The following ARFGAP3 variants were observed in gnomAD, a reference collection of about 807,000 sequenced individuals.
ARFGAP3 encodes ARF GTPase activating protein 3, also known as ADP-ribosylation factor GTPase-activating protein 3.
ARFGAP3 carries 72 observed loss-of-function variants against 75.0 expected under a neutral mutation model. The observed-to-expected ratio is 0.96, with a 90% confidence interval of 0.79 to 1.17. ARFGAP3 has a LOEUF of 1.17. Among genes scored for constraint, ARFGAP3 ranks in the 50% most tolerant of loss-of-function variants. The pLI, the probability that ARFGAP3 is intolerant of heterozygous loss-of-function variation, is 0.00. For missense variants in ARFGAP3, 620 were observed against 626.6 expected (o/e 0.99, Z 0.11); for synonymous variants, 221 against 217.9 (o/e 1.01, Z -0.13).
intron 14 of ARFGAP3, 178 bp from the exon 15 acceptor site, chr22:42,799,338 C>G: frequency 1.4e-6 from 1 of 702,414 alleles, no homozygotes; most frequent in Non-Finnish European, 1.7e-6. Context: ...CCATGATCCA[C>G]ATGAGAGAAT....
intron 12 of ARFGAP3, among the ~76,000 whole-genome samples, chr22:42,810,003 TAAAAAAA>T (rs35072147): frequency 2.0e-5 from 2 of 102,168 alleles, no homozygotes; most frequent in Non-Finnish European, 3.8e-5. Flanking sequence ...GACTCCATCT[TAAAAAAA>T]AAAAAAAAAA....
chr22:42,804,759 G>A (rs1925045286), intron 14 of ARFGAP3, among the ~76,000 whole-genome samples: 2 of 151,922 alleles, frequency 1.3e-5, no homozygotes, highest in Admixed American at 1.3e-4. Context: ...CAGGTGATCC[G>A]CCTACCTCGG....
At position 42,857,239 on chromosome 22, in the gene ARFGAP3, A is replaced by G. The variant is rs1927549639; in HGVS notation, c.-57T>C. 2.0e-6 allele frequency: 3 copies of G among 1,487,720 alleles called. No homozygotes were observed. Among genetic ancestry groups the G allele is most frequent in the Non-Finnish European group, 1.8e-6 (2 of 1,114,312 alleles). 92.2% of individuals were successfully genotyped at this position (1,487,720 alleles called of 1,614,324 possible). On this transcript the variant is annotated 5_prime_UTR_variant, in exon 1 of 16. Transcript: ENST00000263245. ...AGCCAACCGGTAAGAGTCGACGAAA[A>G]GCGGCTACCGCCTCAGCAGGAGCGA... is the stretch of plus-strand genomic sequence containing the variant.
intron 15 of ARFGAP3, 118 bp from the exon 16 acceptor site, chr22:42,797,723 T>C: frequency 1.2e-6 from 2 of 1,604,770 alleles, no homozygotes; most frequent in Non-Finnish European, 1.7e-6. Flanking sequence ...GCATGTGACA[T>C]GGACGCTGCA....
intron 14 of ARFGAP3, among the ~76,000 whole-genome samples, chr22:42,804,659 C>A (rs1229297334): frequency 4.6e-5 from 7 of 151,940 alleles, no homozygotes; most frequent in African/African-American, 1.7e-4. Context: ...GGATTACAGG[C>A]GTGAGCCACT....
intron 6 of ARFGAP3, among the ~76,000 whole-genome samples, chr22:42,828,359 C>G (rs900161580): frequency 2.0e-5 from 3 of 151,388 alleles, no homozygotes; most frequent in Non-Finnish European, 2.9e-5. Context: ...GAGTTCAAGA[C>G]CAGCCTGGCC....
intron 1 of ARFGAP3, among the ~76,000 whole-genome samples, chr22:42,854,843 G>A (rs1469042863): frequency 1.3e-5 from 2 of 152,084 alleles, no homozygotes; most frequent in Non-Finnish European, 2.9e-5. Flanking sequence ...TTAGGTAAGG[G>A]TTTCAAACCA....
chr22:42,797,415 A>T lies in ARFGAP3; in HGVS notation c.*173T>A. The stretch of plus-strand genomic sequence containing the variant: ...AAACAGAAATCACAGGAAAGCTCCT[A>T]CATCAGAACTCAGAATTTCTCAAAA... On this transcript the variant is annotated 3_prime_UTR_variant, in exon 16 of 16. Transcript: ENST00000263245. The T allele has an allele frequency of 1.3e-6, 1 of 775,672 alleles. No homozygotes were observed. Among genetic ancestry groups the T allele is most frequent in the Non-Finnish European group, 2.1e-6 (1 of 480,328 alleles). The allele number at this position is 775,672 out of a possible 1,614,324, so 48.0% of individuals were successfully genotyped here. A position where few individuals can be genotyped will look rare whatever the true frequency, so the allele number is the denominator to read the frequency against.
chr22:42,815,238 C>T (rs1925525551), intron 11 of ARFGAP3, among the ~76,000 whole-genome samples: 1 of 152,162 alleles, frequency 6.6e-6, no homozygotes, highest in African/African-American at 2.4e-5. Context: ...TCAAATTACA[C>T]ATTTAATTTT....
intron 3 of ARFGAP3, among the ~76,000 whole-genome samples, chr22:42,839,204 T>G (rs1250217362): frequency 1.3e-5 from 2 of 152,142 alleles, no homozygotes; most frequent in African/African-American, 4.8e-5. Flanking sequence ...ATAAATTAAT[T>G]GAATATTTTA....
chr22:42,824,885 C>CT (rs1925971535), intron 7 of ARFGAP3, among the ~76,000 whole-genome samples: 1 of 152,136 alleles, frequency 6.6e-6, no homozygotes, highest in Non-Finnish European at 1.5e-5. Flanking sequence ...CTCTTCCCAT[C>CT]TTTATGTTCG....
At chr22:42,818,790 A>G (rs1443159079) in intron 9 of ARFGAP3, among the ~76,000 whole-genome samples, 1 of 100,936 alleles carries the variant, frequency 9.9e-6, no homozygotes, top group African/African-American at 3.4e-5. Context: ...AAATTTCTGC[A>G]TAGTAATAGG....
chr22:42,824,517 T>G (rs1313765112), intron 7 of ARFGAP3, among the ~76,000 whole-genome samples: 3 of 148,774 alleles, frequency 2.0e-5, no homozygotes, highest in African/African-American at 7.6e-5. Context: ...CCACCATGCC[T>G]GGTTTTCTTT....
intron 14 of ARFGAP3, among the ~76,000 whole-genome samples, chr22:42,803,251 T>C (rs1412427898): frequency 6.6e-6 from 1 of 152,200 alleles, no homozygotes; most frequent in Non-Finnish European, 1.5e-5. Context: ...TGCACAGCTA[T>C]ACTGTCTGAC....
rs71186547 is a variant in ARFGAP3 at position 42,837,675 on chromosome 22, C to CTTTTTTTTTTTT, written c.262-2194_262-2183dup. ...GCCTTGAAACATCTAAGGCATACTT[C>CTTTTTTTTTTTT]TTTTTTTTTTTTTTTTTTTTTTGAG... On this transcript the variant is annotated intron_variant, in intron 3 of 15. Coordinates refer to ENST00000263245, the MANE Select transcript of ARFGAP3 (RefSeq NM_014570.5). Among the ~76,000 whole-genome samples, 80 of 75,664 alleles carry CTTTTTTTTTTTT rather than the reference C, an allele frequency of 1.1e-3. 8 individuals are homozygous for CTTTTTTTTTTTT. The highest frequency in any genetic ancestry group is 3.9e-3 in the African/African-American group (63 of 16,056). The allele number at this position is 75,664 out of a possible 152,430, so 49.6% of individuals were successfully genotyped here.
intron 13 of ARFGAP3, among the ~76,000 whole-genome samples, chr22:42,808,106 A>T (rs1284753842): frequency 6.6e-6 from 1 of 152,050 alleles, no homozygotes; most frequent in Non-Finnish European, 1.5e-5. Context: ...CACTCCTCAG[A>T]AACATATCTG....
In ARFGAP3 at chr22:42,797,535, C is replaced by T. The variant is rs1016873335; in HGVS notation, c.*53G>A. 1.3e-5 allele frequency: 21 copies of T among 1,612,582 alleles called. No homozygotes were observed. Among genetic ancestry groups the T allele is most frequent in the Non-Finnish European group, 1.5e-5 (18 of 1,178,798 alleles). On this transcript the variant is annotated 3_prime_UTR_variant, in exon 16 of 16. Coordinates refer to ENST00000263245, the MANE Select transcript of ARFGAP3 (RefSeq NM_014570.5). ...TTCACTGCCGCCTGAGATGTGGTTA[C>T]TTGTTCATTTAAAGAGGAATTTCTC...
At chr22:42,816,960 T>C (rs1392440148) in intron 11 of ARFGAP3, among the ~76,000 whole-genome samples, 182 bp downstream of exon 11, 1 of 152,242 alleles carries the variant, frequency 6.6e-6, no homozygotes, top group Non-Finnish European at 1.5e-5. Context: ...TTAGCCAACG[T>C]TGTTCTTTTA....
At position 42,835,387 on chromosome 22, in the gene ARFGAP3, T is replaced by A. The variant is rs138460344; in HGVS notation, c.368A>T (p.Gln123Leu). 6 of 1,613,984 alleles carry A rather than the reference T, an allele frequency of 3.7e-6. No homozygotes were observed. The African/African-American group carries it at 8.0e-5, about 22-fold the overall frequency. The change falls in exon 4 of 16, where the codon CAA (glutamine) becomes CTA (leucine). Residue 123 changes from glutamine (Q) to leucine (L), a missense_variant. Physicochemically the swap from Gln to Leu is moderately radical, Grantham distance 113. Transcript: ENST00000263245. ...YREKIKSLAS[Q>L]ATRKHGTDLW... ...ATCAGTGCCATGCTTCCGTGTTGCT[T>A]GAGAGGCGAGCGATTTGATTTTCTC...
Sources: gnomAD v4.1 joint callset for allele counts (sites outside exome capture counted in the v4.1 genomes callset) on GRCh38, gnomAD v4.1.1 for gene constraint, MANE v1.5 for transcripts, NCBI Gene and HGNC (gene_info 2026-07-23, HGNC 2026-07-21) for gene names.